DCDC2C: variants seen among roughly 807,000 people sequenced by gnomAD.
The protein encoded by DCDC2C is doublecortin domain-containing protein 2C.
Under a neutral mutation model 45.0 loss-of-function variants are expected in DCDC2C, and 44 were observed. The observed-to-expected ratio is 0.98, with a 90% CI of 0.77 to 1.26. The LOEUF (loss-of-function observed/expected upper bound fraction) is 1.26, where lower values mean the gene tolerates loss of function less well. DCDC2C is among the 50% of genes most tolerant of loss of function. The pLI is 0.00. For missense variants in DCDC2C, 447 were observed against 468.9 expected (o/e 0.95, Z 0.43); for synonymous variants, 187 against 178.8 (o/e 1.05, Z -0.37).
At position 3,804,397 on chromosome 2, in the gene DCDC2C, C is replaced by T. The variant is rs116552875; in HGVS notation, c.1065+19297C>T. 7.8e-3 allele frequency among the ~76,000 whole-genome samples: 1,180 copies of T among 152,154 alleles called. 13 individuals carry two copies. The highest frequency in any genetic ancestry group is 0.027 in the African/African-American group (1,133 of 41,500). On this transcript the variant is annotated intron_variant, in intron 10 of 10. Transcript: ENST00000399143. ...CATGCCTTGCCCATTATTTCATTTC[C>T]TGCTTTTAATTTCCTAGTTTCTGAT...
chr2:3,755,919 CAT>C (rs1669701692), intron 6 of DCDC2C, among the ~76,000 whole-genome samples: 1 of 151,846 alleles, frequency 6.6e-6, no homozygotes, highest in Non-Finnish European at 1.5e-5. Flanking sequence ...TATTCACATG[CAT>C]ATGTGTGTAT....
chr2:3,756,993 T>G (rs185687930), intron 6 of DCDC2C, among the ~76,000 whole-genome samples: 100 of 152,370 alleles, frequency 6.6e-4, no homozygotes, highest in Admixed American at 1.4e-3. Flanking sequence ...AAAAATGATA[T>G]GCCTTACTCC....
chr2:3,768,836 A>T (rs952481706), intron 7 of DCDC2C, among the ~76,000 whole-genome samples: 2 of 152,138 alleles, frequency 1.3e-5, no homozygotes, highest in Non-Finnish European at 2.9e-5. Flanking sequence ...GGCCTCCCAA[A>T]GTGTTGGGAT....
chr2:3,730,961 T>A (rs1668850734), intron 3 of DCDC2C, among the ~76,000 whole-genome samples: 1 of 152,166 alleles, frequency 6.6e-6, no homozygotes, highest in African/African-American at 2.4e-5. Context: ...TACAAACAGG[T>A]GGCACTGAGG....
intron 2 of DCDC2C, among the ~76,000 whole-genome samples, chr2:3,715,722 G>C (rs191495119): frequency 2.0e-5 from 3 of 152,202 alleles, no homozygotes; most frequent in Admixed American, 2.0e-4. Context: ...AAGCCCAACG[G>C]TTTTTTCACT....
chr2:3,838,698 C>T (rs908206375), intron 10 of DCDC2C, among the ~76,000 whole-genome samples: 5 of 152,200 alleles, frequency 3.3e-5, no homozygotes, highest in Non-Finnish European at 7.4e-5. Context: ...GTGGTTCAAG[C>T]GTGTGGAAGA....
chr2:3,789,495 C>T (rs530699402), intron 10 of DCDC2C, among the ~76,000 whole-genome samples: 1 of 152,218 alleles, frequency 6.6e-6, no homozygotes, highest in Non-Finnish European at 1.5e-5. Flanking sequence ...AACAATTACT[C>T]ATTCTGGTCA....
chr2:3,735,042 A>G (rs1261316047), intron 3 of DCDC2C, among the ~76,000 whole-genome samples: 5 of 152,074 alleles, frequency 3.3e-5, no homozygotes, highest in African/African-American at 1.2e-4. Context: ...TGTTTCCAGG[A>G]AAGGAAAATG....
At chr2:3,817,980 G>A (rs779281985) in intron 10 of DCDC2C, among the ~76,000 whole-genome samples, 7 of 152,200 alleles carry the variant, frequency 4.6e-5, no homozygotes, top group South Asian at 2.1e-4. Context: ...GAGATTAGCC[G>A]GACACAATCA....
At chr2:3,756,764 T>C (rs550181830) in intron 6 of DCDC2C, among the ~76,000 whole-genome samples, 10 of 152,396 alleles carry the variant, frequency 6.6e-5, no homozygotes, top group African/African-American at 2.4e-4. Context: ...GATTTCTGCA[T>C]GTCTGCTCAT....
intron 6 of DCDC2C, among the ~76,000 whole-genome samples, chr2:3,762,481 G>A (rs1669905669): frequency 6.6e-6 from 1 of 152,210 alleles, no homozygotes; most frequent in Non-Finnish European, 1.5e-5. Flanking sequence ...GGAAGCATGG[G>A]AATAGCATCT....
At chr2:3,755,383 A>T in intron 6 of DCDC2C, among the ~76,000 whole-genome samples, 1 of 151,288 alleles carries the variant, frequency 6.6e-6, no homozygotes. Context: ...GTGCATGTGT[A>T]TGTATGAATG....
At chr2:3,836,799 T>C (rs942212619) in intron 10 of DCDC2C, among the ~76,000 whole-genome samples, 36 of 151,364 alleles carry the variant, frequency 2.4e-4, no homozygotes, top group Admixed American at 1.1e-3. Context: ...GAGGCGGAGC[T>C]TGCAGTGAGC....
intron 6 of DCDC2C, among the ~76,000 whole-genome samples, chr2:3,765,079 A>G (rs114330567): frequency 0.013 from 1,980 of 152,334 alleles, 36 homozygotes; most frequent in African/African-American, 0.045. Context: ...GCATGATGTA[A>G]GAAACCTCCC....
Position 3,847,815 on chromosome 2 carries a change from C to T in DCDC2C, c.*632C>T, listed in dbSNP as rs12473021. Reference sequence around the variant, plus strand: ...TCTCGTGATAGTGAGTGAGTGCTCCCGAGATCCAGTTGTTTAAAAGTGTGT... The same window carrying T: ...TCTCGTGATAGTGAGTGAGTGCTCCTGAGATCCAGTTGTTTAAAAGTGTGT... On this transcript the variant is annotated 3_prime_UTR_variant, in exon 11 of 11. Transcript: ENST00000399143. Among the ~76,000 whole-genome samples, 11,734 of 152,106 alleles carry T rather than the reference C, an allele frequency of 0.077. 597 individuals are homozygous for T. The highest frequency in any genetic ancestry group is 0.13 in the Admixed American group (2,047 of 15,280).
intron 3 of DCDC2C, among the ~76,000 whole-genome samples, chr2:3,738,539 G>GAAAAAAAAAAAAAA (rs752819998): frequency 1.8e-5 from 1 of 55,248 alleles, no homozygotes. Context: ...GGTCTATCTG[G>GAAAAAAAAAAAAAA]GAAAAAAAAA....
At position 3,777,700 on chromosome 2, in the gene DCDC2C, G is replaced by T. The variant is rs1229512637; in HGVS notation, c.955-1116G>T. Among the ~76,000 whole-genome samples the T allele has an allele frequency of 2.0e-5, 3 of 152,334 alleles. No individual in the cohort carries two copies. In the East Asian group the frequency reaches 5.8e-4, roughly 29 times the overall value. ...CAGCCTTGGTCTGAGTTTTCAGAAG[G>T]TCTGAGGTCTGGGCTGATGGGGTCT... is the stretch of plus-strand genomic sequence containing the variant. On this transcript the variant is annotated intron_variant, in intron 8 of 10. Transcript: ENST00000399143.
Position 3,703,725 on chromosome 2 carries a change from C to A in DCDC2C, c.-27C>A, listed in dbSNP as rs925120927. ...CCCGCGCTGCCGCAGCCTCTCGGCC[C>A]CGGCGAGCGAGGAGCGGGGCGCGGC... On this transcript the variant is annotated 5_prime_UTR_variant, in exon 1 of 11. Transcript: ENST00000399143. This position sits in a 1 kb window ranked among gnomAD's most constrained non-coding sequence, Gnocchi z 4.4. 110 of 1,228,080 alleles carry A rather than the reference C, an allele frequency of 9.0e-5. No individual in the cohort carries two copies. In the Middle Eastern group the frequency reaches 2.8e-3, roughly 31 times the overall value. The allele number at this position is 1,228,080 out of a possible 1,614,324, so 76.1% of individuals were successfully genotyped here.
At chr2:3,729,483 T>TA (rs1433934012) in intron 3 of DCDC2C, among the ~76,000 whole-genome samples, 9 of 152,110 alleles carry the variant, frequency 5.9e-5, no homozygotes, top group Non-Finnish European at 8.8e-5. Flanking sequence ...TTTGGGCGTT[T>TA]TAAAGGGGGA....
Sources: gnomAD v4.1 joint callset for allele counts (sites outside exome capture counted in the v4.1 genomes callset) on GRCh38, gnomAD v4.1.1 for gene constraint, Gnocchi (gnomAD v3.1) non-coding constraint, MANE v1.5 for transcripts, NCBI Gene and HGNC (gene_info 2026-07-23, HGNC 2026-07-21) for gene names.